The following USP48 variants were observed in gnomAD, a reference collection of about 807,000 sequenced individuals.
USP48 encodes ubiquitin carboxyl-terminal hydrolase 48.
A neutral mutation model predicts 150.7 loss-of-function variants in USP48; 43 were observed. The ratio of observed to expected loss-of-function variants is 0.29; its 90% CI spans 0.22 to 0.37. USP48 has a LOEUF of 0.37. Among genes scored for constraint, USP48 ranks in the 10% least tolerant of loss-of-function variants. USP48 has a pLI of 1.00. For synonymous variants in USP48, 396 were observed against 425.9 expected, an observed-to-expected ratio of 0.93 and a Z score of 0.86; for missense variants, 813 against 1,249.6, an observed-to-expected ratio of 0.65 and a Z score of 5.27.
chr1:21,727,856 C>T (rs2097743598), intron 11 of USP48: 3 of 972,320 alleles, frequency 3.1e-6, no homozygotes, highest in Non-Finnish European at 3.7e-6. Flanking sequence ...TACAATTATG[C>T]TTAAGTATTT....
intron 25 of USP48, among the ~76,000 whole-genome samples, chr1:21,685,442 G>T (rs930473175): frequency 1.3e-5 from 2 of 151,512 alleles, no homozygotes; most frequent in Non-Finnish European, 2.9e-5. Context: ...AGCCTCCCTA[G>T]TAACTGGGAT....
rs1297550464 is a variant in USP48, at chr1:21,746,974, T to G, written c.991+93A>C. ...CAGAGAGAGATTAGCAAACAAAAAT[T>G]GGCAATTGACTGCTATTCTATATTA... is the stretch of plus-strand genomic sequence containing the variant. On this transcript the variant is annotated intron_variant, in intron 8 of 26. Coordinates refer to ENST00000308271, the MANE Select transcript of USP48 (RefSeq NM_032236.8). The G allele has an allele frequency of 4.2e-6, 4 of 962,004 alleles. No homozygotes were observed. The African/African-American group carries it at 6.7e-5, about 16-fold the overall frequency. 59.6% of individuals were successfully genotyped at this position (962,004 alleles called of 1,614,324 possible). A position where few individuals can be genotyped will look rare whatever the true frequency, so the allele number is the denominator to read the frequency against.
intron 1 of USP48, among the ~76,000 whole-genome samples, chr1:21,763,069 A>T (rs780577903): frequency 1.8e-4 from 27 of 152,138 alleles, no homozygotes; most frequent in Non-Finnish European, 2.9e-4. Context: ...TGCATACTCA[A>T]CTGGTTCTAA....
chr1:21,701,374 A>AG, intron 22 of USP48, 124 bp downstream of exon 22: 2 of 696,960 alleles, frequency 2.9e-6, no homozygotes, highest in Non-Finnish European at 4.6e-6. Context: ...TCAAAAAAAA[A>AG]AAAAAAAGAA....
chr1:21,782,822 A>G lies in USP48; in HGVS notation c.134+2T>C. 1 of 1,548,716 alleles carries G rather than the reference A, an allele frequency of 6.5e-7. No individual in the cohort carries two copies. The highest frequency in any genetic ancestry group is 8.7e-7 in the Non-Finnish European group (1 of 1,148,640). ...CCGCGAGGCGCGGTGCGCGGGCCTCACCTGCACACGCCGCGAATGCAGGGC... is the reference window on the plus strand; with the variant it reads ...CCGCGAGGCGCGGTGCGCGGGCCTCGCCTGCACACGCCGCGAATGCAGGGC... On this transcript the variant is annotated splice_donor_variant, in intron 1 of 26. Coordinates refer to ENST00000308271, the MANE Select transcript of USP48 (RefSeq NM_032236.8). LOFTEE classifies it high-confidence loss of function.
chr1:21,691,127 C>T (rs1039880912), intron 23 of USP48, among the ~76,000 whole-genome samples: 2 of 151,930 alleles, frequency 1.3e-5, no homozygotes, highest in African/African-American at 4.8e-5. Context: ...CCAGCCTGAC[C>T]AACATGGTGA....
At chr1:21,741,726 C>T (rs2097782174) in intron 8 of USP48, among the ~76,000 whole-genome samples, 1 of 152,120 alleles carries the variant, frequency 6.6e-6, no homozygotes. Flanking sequence ...CCTGTAATCC[C>T]AGGACTTTGT....
At chr1:21,699,120 C>A (rs1332623865) in intron 22 of USP48, among the ~76,000 whole-genome samples, 1 of 151,610 alleles carries the variant, frequency 6.6e-6, no homozygotes, top group Non-Finnish European at 1.5e-5. Flanking sequence ...ACCTCCACCT[C>A]CCAGGTTGAA....
intron 1 of USP48, among the ~76,000 whole-genome samples, chr1:21,772,425 C>T (rs1359944149): frequency 1.3e-5 from 2 of 151,262 alleles, no homozygotes; most frequent in Admixed American, 6.6e-5. Flanking sequence ...AGATTGAGAC[C>T]ATCCCGGCTA....
chr1:21,696,104 G>T (rs997666792), intron 22 of USP48, among the ~76,000 whole-genome samples: 1 of 152,060 alleles, frequency 6.6e-6, no homozygotes, highest in East Asian at 1.9e-4. Flanking sequence ...ACAGAACATG[G>T]AACAATCTAA....
rs2097877656 is a variant in USP48, at chr1:21,770,750, G to A, written c.134+12074C>T. Among the ~76,000 whole-genome samples the A allele has an allele frequency of 2.0e-5, 3 of 151,748 alleles. No individual in the cohort carries two copies. In the South Asian group the frequency reaches 6.3e-4, roughly 32 times the overall value. ...GCCTGCATCGGCCTCCCAAAGTGCT[G>A]AGATTACAGGCATGAGCCACTGCAC... On this transcript the variant is annotated intron_variant, in intron 1 of 26. Coordinates refer to ENST00000308271, the MANE Select transcript of USP48 (RefSeq NM_032236.8).
At chr1:21,685,355 T>A (rs896359409) in intron 25 of USP48, among the ~76,000 whole-genome samples, 1 of 151,202 alleles carries the variant, frequency 6.6e-6, no homozygotes, top group African/African-American at 2.4e-5. Flanking sequence ...AGATGGAGTC[T>A]GTCATCCAGG....
intron 3 of USP48, among the ~76,000 whole-genome samples, chr1:21,754,743 C>T (rs2097827068): frequency 6.6e-6 from 1 of 152,178 alleles, no homozygotes; most frequent in African/African-American, 2.4e-5. Context: ...CAGTACAGTG[C>T]CTCCAGTGAG....
At chr1:21,696,652 G>A (rs559580212) in intron 22 of USP48, among the ~76,000 whole-genome samples, 1 of 152,178 alleles carries the variant, frequency 6.6e-6, no homozygotes, top group South Asian at 2.1e-4. Flanking sequence ...GTATTAGGTA[G>A]GACACTGTCT....
At chr1:21,699,595 G>C (rs991927261) in intron 22 of USP48, among the ~76,000 whole-genome samples, 48 of 150,914 alleles carry the variant, frequency 3.2e-4, no homozygotes, top group Non-Finnish European at 6.8e-4. Context: ...CTCACTGCAA[G>C]TTCTGCCTCC....
At chr1:21,687,033 T>C in intron 25 of USP48, 158 bp downstream of exon 25, 1 of 686,470 alleles carries the variant, frequency 1.5e-6, no homozygotes, top group South Asian at 2.0e-5. Context: ...TTCCCTCCTT[T>C]CTATGATCTT....
intron 1 of USP48, among the ~76,000 whole-genome samples, chr1:21,774,180 AAATAATAATAATAATAATAATAAT>A (rs57694769): frequency 7.1e-6 from 1 of 141,204 alleles, no homozygotes; most frequent in Non-Finnish European, 1.5e-5. Flanking sequence ...CTCCGTCTCA[AAATAATAATAATAATAATAATAAT>A]AATAATAATA....
intron 9 of USP48, among the ~76,000 whole-genome samples, chr1:21,733,916 A>G (rs1019837595): frequency 1.8e-4 from 28 of 152,098 alleles, no homozygotes; most frequent in African/African-American, 5.8e-4. Context: ...TCAGCCTCCT[A>G]AAGTGTTGGG....
chr1:21,753,819 T>A (rs1354604140), intron 3 of USP48, among the ~76,000 whole-genome samples: 5 of 116,078 alleles, frequency 4.3e-5, no homozygotes, highest in Non-Finnish European at 6.7e-5. Flanking sequence ...AGAGCGAGAC[T>A]CTTTAAAAAA....
Sources: gnomAD v4.1 joint callset for allele counts (sites outside exome capture counted in the v4.1 genomes callset) on GRCh38, gnomAD v4.1.1 for gene constraint, MANE v1.5 for transcripts, NCBI Gene and HGNC (gene_info 2026-07-23, HGNC 2026-07-21) for gene names.